PLXND1: variants seen among roughly 807,000 people sequenced by gnomAD.
PLXND1 encodes plexin D1.
In PLXND1, 54 loss-of-function variants were observed where a neutral mutation model predicts 197.7. That is an observed-to-expected ratio of 0.27 (90% CI 0.22 to 0.34). The LOEUF (loss-of-function observed/expected upper bound fraction) is 0.34. Among genes scored for constraint, PLXND1 ranks in the 10% least tolerant of loss-of-function variants. The pLI is 1.00. For synonymous variants in PLXND1, 1,180 were observed against 1,161.2 expected (o/e 1.02, Z -0.33); for missense variants, 2,127 against 2,699.2 (o/e 0.79, Z 4.70).
intron 11 of PLXND1, 96 bp from the exon 12 acceptor site, chr3:129,574,586 C>T (rs192530367): frequency 3.6e-5 from 46 of 1,276,262 alleles, no homozygotes; most frequent in South Asian, 4.4e-5. Flanking sequence ...AAGAGGTCTG[C>T]GCCCCATCAT....
chr3:129,566,647 C>T lies in PLXND1; in HGVS notation c.4087-16G>A. On this transcript the variant is annotated splice_polypyrimidine_tract_variant and intron_variant, in intron 22 of 35. Transcript: ENST00000324093. ...GGGAGGAACACTGCAGAGGCAGACC[C>T]CCAGCATCTCAGCGGGGCTGGACAC... 2.0e-6 allele frequency: 3 copies of T among 1,512,060 alleles called. No individual in the cohort carries two copies. Among genetic ancestry groups the T allele is most frequent in the Non-Finnish European group, 1.8e-6 (2 of 1,094,160 alleles). The allele number at this position is 1,512,060 out of a possible 1,614,324, so 93.7% of individuals were successfully genotyped here. A position where few individuals can be genotyped will look rare whatever the true frequency, so the allele number is the denominator to read the frequency against.
chr3:129,565,797 G>T, intron 24 of PLXND1, 90 bp downstream of exon 24: 1 of 1,389,714 alleles, frequency 7.2e-7, no homozygotes. Context: ...GGTGTCAAGA[G>T]CCCCAGAGCC....
rs147290514 is a variant in PLXND1, at chr3:129,574,354, G to A, written c.2667C>T (p.Pro889=). 35 of 1,606,212 alleles carry A rather than the reference G, an allele frequency of 2.2e-5. No individual in the cohort carries two copies. The highest frequency in any genetic ancestry group is 2.0e-4 in the African/African-American group (15 of 74,660). ...GPLQPMAGTC[P]APEIHAIEPL... ...TGCTTACCGCGTGGATCTCGGGGGC[G>A]GGGCAGGTGCCAGCCATGGGCTGCA... Residue 889 remains proline, a synonymous_variant, in exon 12 of 36, where the codon CCC becomes CCT. Transcript: ENST00000324093.
In PLXND1 at chr3:129,558,548, G is replaced by A. The variant is rs2085007793; in HGVS notation, c.5325C>T (p.Ile1775=). ...CAAAGACAAACTGGGGGTTCTTCAG[G>A]ATGTTCACCCAGAACCGGAGAGGAA... ...NSLPLRFWVN[I]LKNPQFVFDI... is the part of the protein sequence containing the mutation. The change falls in exon 33 of 36, where the codon ATC becomes ATT. Residue 1775 remains isoleucine (I), a synonymous_variant. Transcript: ENST00000324093. This position sits in a 1 kb window ranked among gnomAD's most constrained non-coding sequence, Gnocchi z 4.1. The A allele has an allele frequency of 2.5e-6, 4 of 1,614,052 alleles. No individual in the cohort carries two copies. Among genetic ancestry groups the A allele is most frequent in the African/African-American group, 1.3e-5 (1 of 75,052 alleles).
chr3:129,596,773 G>A (rs1576280047), intron 1 of PLXND1, among the ~76,000 whole-genome samples: 1 of 152,230 alleles, frequency 6.6e-6, no homozygotes, highest in South Asian at 2.1e-4. Context: ...CATATGCCTG[G>A]CCGCAGGCTG....
chr3:129,571,372 G>C, intron 17 of PLXND1, 69 bp from the exon 18 acceptor site: 3 of 1,569,260 alleles, frequency 1.9e-6, no homozygotes, highest in Non-Finnish European at 2.6e-6. Flanking sequence ...GAAACGGTGG[G>C]GAGTGGGGTT....
At position 129,577,828 on chromosome 3, in the gene PLXND1, C is replaced by A. The variant is rs980583680; in HGVS notation, c.2346+501G>T. Among the ~76,000 whole-genome samples the A allele has an allele frequency of 6.6e-6, 1 of 152,192 alleles. No homozygotes were observed. The highest frequency in any genetic ancestry group is 2.4e-5 in the African/African-American group (1 of 41,448). On this transcript the variant is annotated intron_variant, in intron 9 of 35. Coordinates refer to ENST00000324093, the MANE Select transcript of PLXND1 (RefSeq NM_015103.3). The surrounding 1 kb of genome is among the most constrained non-coding windows in gnomAD (Gnocchi z 5.0). ...TCCAGCCCTGTGTTGTGTGATCTGG[C>A]GTCATCTACTTTTCCTTCCTGGGCC...
intron 1 of PLXND1, among the ~76,000 whole-genome samples, chr3:129,602,294 C>T (rs531690560): frequency 9.1e-4 from 139 of 152,278 alleles, no homozygotes; most frequent in African/African-American, 3.3e-3. Context: ...GCCTCCCTGG[C>T]CCTTGTGTCA....
chr3:129,591,867 G>A (rs1408020968), intron 1 of PLXND1, among the ~76,000 whole-genome samples: 1 of 152,110 alleles, frequency 6.6e-6, no homozygotes, highest in East Asian at 1.9e-4. Context: ...CTTTAAAAAT[G>A]TAAAGCAGGT....
intron 1 of PLXND1, among the ~76,000 whole-genome samples, chr3:129,595,566 C>A (rs1316044701): frequency 6.6e-6 from 1 of 152,228 alleles, no homozygotes; most frequent in African/African-American, 2.4e-5. Flanking sequence ...GAAACCAAGG[C>A]ACAGAGAAGA....
rs774027518 is a variant in PLXND1, at chr3:129,572,710, G to A, written c.2976C>T (p.Pro992=). ...TGGTGATCCTGGTGCCCCCGGCCTT[G>A]GGGCCCATGGTAGGCTCCAGGGAGT... is the stretch of plus-strand genomic sequence containing the variant. The part of the protein sequence containing the change: ...LVHSLEPTMG[P]KAGGTRITIH... The change falls in exon 15 of 36, where the codon CCC becomes CCT. Residue 992 remains proline, a synonymous_variant. Transcript: ENST00000324093. The A allele has an allele frequency of 3.1e-5, 49 of 1,600,788 alleles. No homozygotes were observed. The highest frequency in any genetic ancestry group is 1.4e-4 in the Admixed American group (8 of 58,200).
chr3:129,567,028 AG>A (rs541618062), intron 22 of PLXND1, among the ~76,000 whole-genome samples: 12 of 151,900 alleles, frequency 7.9e-5, no homozygotes, highest in Non-Finnish European at 1.3e-4. Context: ...TGGTACCACT[AG>A]GAGGTAGAGT....
rs1454334109 is a variant in PLXND1, at chr3:129,555,970, C to T, written c.*342G>A. On this transcript the variant is annotated 3_prime_UTR_variant, in exon 36 of 36. Coordinates refer to ENST00000324093, the MANE Select transcript of PLXND1 (RefSeq NM_015103.3). ...TCCTCTCCCCCAGTTTGTGCTTGGCCGCCTGGATGCACGGGGCTCTTGGCA... is the reference window on the plus strand; with the variant it reads ...TCCTCTCCCCCAGTTTGTGCTTGGCTGCCTGGATGCACGGGGCTCTTGGCA... 3.0e-5 allele frequency: 9 copies of T among 303,956 alleles called. No homozygotes were observed. Among genetic ancestry groups the T allele is most frequent in the Admixed American group, 9.6e-5 (2 of 20,770 alleles). The allele number at this position is 303,956 out of a possible 1,614,324, so 18.8% of individuals were successfully genotyped here. A position where few individuals can be genotyped will look rare whatever the true frequency, so the allele number is the denominator to read the frequency against.
intron 1 of PLXND1, among the ~76,000 whole-genome samples, chr3:129,605,122 A>G (rs2108810159): frequency 6.6e-6 from 1 of 152,224 alleles, no homozygotes; most frequent in South Asian, 2.1e-4. Context: ...GTCCCTGCAC[A>G]TGCCCACCTG....
At position 129,574,495 on chromosome 3, in the gene PLXND1, G is replaced by A. The variant is rs765774936; in HGVS notation, c.2531-5C>T. On this transcript the variant is annotated splice_region_variant and splice_polypyrimidine_tract_variant and intron_variant, in intron 11 of 35. Transcript: ENST00000324093. ...TGGCACAGTTATAGACCATGACTGG[G>A]GAGACACGGGGCAGCTCGGTCAGCC... The A allele has an allele frequency of 3.7e-6, 6 of 1,611,706 alleles. No individual in the cohort carries two copies. The highest frequency in any genetic ancestry group is 5.1e-6 in the Non-Finnish European group (6 of 1,179,132).
In PLXND1 at chr3:129,571,968, C is replaced by T. The variant is rs1375112857; in HGVS notation, c.3078-124G>A. ...GGGGTTCAAGGCCTCCTTGACTGGT[C>T]CCAACTCATCTTCTGCCCAGTTAGT... On this transcript the variant is annotated intron_variant, in intron 15 of 35. Coordinates refer to ENST00000324093, the MANE Select transcript of PLXND1 (RefSeq NM_015103.3). The T allele has an allele frequency of 7.3e-6, 6 of 826,794 alleles. No individual in the cohort carries two copies. The Admixed American group carries it at 7.5e-5, about 10-fold the overall frequency. The allele number at this position is 826,794 out of a possible 1,614,324, so 51.2% of individuals were successfully genotyped here. A position where few individuals can be genotyped will look rare whatever the true frequency, so the allele number is the denominator to read the frequency against.
Position 129,573,698 on chromosome 3 carries a change from G to A in PLXND1, c.2733C>T (p.Ile911=). The change falls in exon 13 of 36, where the codon ATC becomes ATT. Residue 911 remains isoleucine, a synonymous_variant. Coordinates refer to ENST00000324093, the MANE Select transcript of PLXND1 (RefSeq NM_015103.3). ...GPLDGGTLLT[I]RGRNLGRRLS... ...GCCGCCGGCCCAGGTTCCTTCCTCG[G>A]ATGGTCAGCAGGGTCCCACCGTCCA... 1 of 1,613,748 alleles carries A rather than the reference G, an allele frequency of 6.2e-7. No individual in the cohort carries two copies. The highest frequency in any genetic ancestry group is 1.1e-5 in the South Asian group (1 of 91,064).
intron 8 of PLXND1, among the ~76,000 whole-genome samples, chr3:129,581,776 C>T (rs1420746625): frequency 6.6e-6 from 1 of 152,206 alleles, no homozygotes; most frequent in Non-Finnish European, 1.5e-5. Context: ...TCCCAGGGCC[C>T]AGTACTGACT....
intron 2 of PLXND1, 147 bp from the exon 3 acceptor site, chr3:129,586,866 G>T: frequency 1.1e-6 from 1 of 874,770 alleles, no homozygotes; most frequent in African/African-American, 1.7e-5. Context: ...GGCGTGCAGG[G>T]GAGGGCACAG....
Sources: gnomAD v4.1 joint callset for allele counts (sites outside exome capture counted in the v4.1 genomes callset) on GRCh38, gnomAD v4.1.1 for gene constraint, Gnocchi (gnomAD v3.1) non-coding constraint, MANE v1.5 for transcripts, NCBI Gene and HGNC (gene_info 2026-07-23, HGNC 2026-07-21) for gene names.